SLC9A9: variants seen among roughly 807,000 people sequenced by gnomAD.
SLC9A9 encodes sodium/hydrogen exchanger 9.
SLC9A9 carries 62 observed loss-of-function variants against 77.8 expected under a neutral mutation model. That is an observed-to-expected ratio of 0.80 (90% CI 0.65 to 0.98). The LOEUF (loss-of-function observed/expected upper bound fraction) is 0.98. SLC9A9 is among the 50% of genes least tolerant of loss of function. The probability of loss-of-function intolerance (pLI) is 0.00; values close to 1 mark genes in which losing one functional copy is unlikely to be tolerated. For synonymous variants in SLC9A9, 320 were observed against 283.5 expected, an observed-to-expected ratio of 1.13 and a Z score of -1.29; for missense variants, 775 against 774.9, an observed-to-expected ratio of 1.00 and a Z score of 0.00.
At chr3:143,707,379 C>G (rs994864245) in intron 4 of SLC9A9, among the ~76,000 whole-genome samples, 4 of 151,152 alleles carry the variant, frequency 2.6e-5, no homozygotes, top group Admixed American at 6.6e-5. Context: ...TACACACACA[C>G]ACACACACAC....
intron 14 of SLC9A9, among the ~76,000 whole-genome samples, chr3:143,327,728 CA>C (rs1374105763): frequency 6.6e-6 from 1 of 152,150 alleles, no homozygotes; most frequent in Non-Finnish European, 1.5e-5. Flanking sequence ...CTAAATGTAA[CA>C]GGATTAACAG....
chr3:143,828,580 C>G (rs921949032), intron 2 of SLC9A9, among the ~76,000 whole-genome samples: 2 of 151,954 alleles, frequency 1.3e-5, no homozygotes, highest in African/African-American at 4.8e-5. Flanking sequence ...CACACACACA[C>G]ACAGAGAGAG....
intron 14 of SLC9A9, among the ~76,000 whole-genome samples, chr3:143,298,084 G>C (rs561834022): frequency 2.0e-5 from 3 of 152,338 alleles, no homozygotes; most frequent in African/African-American, 7.2e-5. Context: ...TTTATTGCAT[G>C]AATGAGAAAG....
chr3:143,816,602 A>G (rs1438321030), intron 2 of SLC9A9, among the ~76,000 whole-genome samples: 1 of 152,190 alleles, frequency 6.6e-6, no homozygotes, highest in Non-Finnish European at 1.5e-5. Flanking sequence ...TACCATTACT[A>G]AAAATGCTGC....
At chr3:143,730,423 A>T (rs1934770257) in intron 4 of SLC9A9, among the ~76,000 whole-genome samples, 1 of 152,208 alleles carries the variant, frequency 6.6e-6, no homozygotes, top group Non-Finnish European at 1.5e-5. Flanking sequence ...GCATGAATTT[A>T]TATCTGGGGA....
intron 4 of SLC9A9, among the ~76,000 whole-genome samples, chr3:143,727,969 C>T (rs774456271): frequency 1.3e-5 from 2 of 152,334 alleles, no homozygotes; most frequent in South Asian, 4.1e-4. Context: ...ACAGTTATGG[C>T]TAGGCTTCCC....
chr3:143,544,021 C>G (rs1468015996), intron 9 of SLC9A9, among the ~76,000 whole-genome samples: 2 of 149,002 alleles, frequency 1.3e-5, no homozygotes, highest in African/African-American at 5.0e-5. Flanking sequence ...TTCTCTTTTT[C>G]TCTACAGCCT....
intron 11 of SLC9A9, among the ~76,000 whole-genome samples, chr3:143,479,473 A>G (rs1003672669): frequency 6.6e-6 from 1 of 152,070 alleles, no homozygotes; most frequent in Non-Finnish European, 1.5e-5. Context: ...GGCTGGTCTC[A>G]AACTCCTGGC....
chr3:143,607,013 C>A lies in SLC9A9; in HGVS notation c.756-28290G>T, dbSNP rs1198107317. Among the ~76,000 whole-genome samples, 3 of 150,976 alleles carry A rather than the reference C, an allele frequency of 2.0e-5. No individual in the cohort carries two copies. The East Asian group carries it at 5.8e-4, about 29-fold the overall frequency. On this transcript the variant is annotated intron_variant, in intron 6 of 15. Coordinates refer to ENST00000316549, the MANE Select transcript of SLC9A9 (RefSeq NM_173653.4). Reference sequence around the variant, plus strand: ...CAATACATAGAAAGTAAAATATCAACCAGAGAGAAAAGACAGATTAGCTAA... The same window carrying A: ...CAATACATAGAAAGTAAAATATCAAACAGAGAGAAAAGACAGATTAGCTAA...
At chr3:143,421,218 A>C (rs2034291546) in intron 12 of SLC9A9, among the ~76,000 whole-genome samples, 2 of 152,236 alleles carry the variant, frequency 1.3e-5, no homozygotes, top group South Asian at 4.1e-4. Context: ...ATTCAATGCT[A>C]TTCCTATCAG....
Position 143,426,564 on chromosome 3 carries a change from T to C in SLC9A9, c.1469+40473A>G, listed in dbSNP as rs144457901. Among the ~76,000 whole-genome samples the C allele has an allele frequency of 3.7e-3, 556 of 152,308 alleles. 6 individuals carry two copies. The highest frequency in any genetic ancestry group is 0.013 in the African/African-American group (535 of 41,566). ...TTTGTTCTTGTTCATCCCTAAATAA[T>C]TTAAAAAATATCAATTTAGGCTCAT... On this transcript the variant is annotated intron_variant, in intron 12 of 15. Coordinates refer to ENST00000316549, the MANE Select transcript of SLC9A9 (RefSeq NM_173653.4).
At chr3:143,823,740 CA>C (rs1175253294) in intron 2 of SLC9A9, among the ~76,000 whole-genome samples, 13 of 150,950 alleles carry the variant, frequency 8.6e-5, no homozygotes, top group Admixed American at 4.0e-4. Context: ...TAGATGTTAT[CA>C]AAAATATTTA....
chr3:143,657,360 G>T (rs1248378564), intron 5 of SLC9A9, among the ~76,000 whole-genome samples: 1 of 152,118 alleles, frequency 6.6e-6, no homozygotes, highest in Non-Finnish European at 1.5e-5. Flanking sequence ...TGGTACTGAG[G>T]TAATAGTGGA....
At chr3:143,576,713 T>C (rs1256447351) in intron 7 of SLC9A9, among the ~76,000 whole-genome samples, 2 of 152,194 alleles carry the variant, frequency 1.3e-5, no homozygotes, top group African/African-American at 4.8e-5. Flanking sequence ...TTACCCTTTC[T>C]AAGCTTCACA....
In SLC9A9 at chr3:143,786,558, C is replaced by A. The variant is rs201316206; in HGVS notation, c.533+8443G>T. On this transcript the variant is annotated intron_variant, in intron 4 of 15. Coordinates refer to ENST00000316549, the MANE Select transcript of SLC9A9 (RefSeq NM_173653.4). The stretch of plus-strand genomic sequence containing the variant: ...GATGATCTCCACAGTCCTCTCCATT[C>A]TACCTTTTGTTTCTTTTTCCCAAAA... Among the ~76,000 whole-genome samples the A allele has an allele frequency of 9.9e-4, 151 of 152,316 alleles. 1 individual carries two copies. The highest frequency in any genetic ancestry group is 7.1e-3 in the Admixed American group (109 of 15,296).
At chr3:143,404,178 CTTT>C (rs57688016) in intron 12 of SLC9A9, among the ~76,000 whole-genome samples, 4,035 of 142,636 alleles carry the variant, frequency 0.028, 186 homozygotes, top group African/African-American at 0.097. Context: ...TTTCTTTTTT[CTTT>C]TTTTTTTTTG....
intron 4 of SLC9A9, among the ~76,000 whole-genome samples, chr3:143,730,691 T>C (rs893171326): frequency 3.3e-5 from 5 of 152,204 alleles, no homozygotes; most frequent in African/African-American, 1.2e-4. Context: ...TTATTTCCAA[T>C]TTATCTTCAT....
At chr3:143,727,349 TG>T (rs2108807227) in intron 4 of SLC9A9, among the ~76,000 whole-genome samples, 1 of 151,858 alleles carries the variant, frequency 6.6e-6, no homozygotes, top group Admixed American at 6.5e-5. Flanking sequence ...ATATAAATGG[TG>T]AATGAAGAAA....
intron 11 of SLC9A9, among the ~76,000 whole-genome samples, chr3:143,475,588 C>T (rs986039529): frequency 8.6e-5 from 13 of 151,844 alleles, no homozygotes; most frequent in Admixed American, 2.0e-4. Context: ...GTCAGGAGAT[C>T]GAGACCATCC....
Sources: allele counts gnomAD v4.1 joint callset (sites outside exome capture counted in the v4.1 genomes callset), GRCh38; gene constraint gnomAD v4.1.1; transcripts MANE v1.5; gene names NCBI Gene and HGNC (gene_info 2026-07-23, HGNC 2026-07-21).